Variants in PPM1A observed in about 807,000 individuals in gnomAD.
PPM1A encodes protein phosphatase 1A.
In PPM1A, 7 loss-of-function variants were observed where a neutral mutation model predicts 35.0. That is an observed-to-expected ratio of 0.20 (90% CI 0.11 to 0.38). PPM1A has a LOEUF of 0.38. Ranked by LOEUF, PPM1A falls within the 10% of genes least tolerant of loss-of-function variation. The pLI is 1.00. For synonymous variants in PPM1A, 153 were observed against 167.3 expected (o/e 0.91, Z 0.66); for missense variants, 239 against 467.8 (o/e 0.51, Z 4.51).
chr14:60,254,582 C>A (rs1056820981), intron 1 of PPM1A, among the ~76,000 whole-genome samples: 7 of 152,196 alleles, frequency 4.6e-5, no homozygotes, highest in Middle Eastern at 3.4e-3. Context: ...CAGTTATTAC[C>A]ATTTTTTAAA....
chr14:60,293,378 C>G lies in PPM1A; in HGVS notation c.*896C>G, dbSNP rs1286019928. ...AAACTTAATCATGTATGTGTAATTC[C>G]TCTTTTACCCTGGCCTTTTAAAACA... is the stretch of plus-strand genomic sequence containing the variant. On this transcript the variant is annotated 3_prime_UTR_variant, in exon 6 of 6. Coordinates refer to ENST00000395076, the MANE Select transcript of PPM1A (RefSeq NM_021003.5). The surrounding 1 kb of genome is among the most constrained non-coding windows in gnomAD (Gnocchi z 4.0). 6.6e-6 allele frequency: 1 copy of G among 151,906 alleles called. No individual in the cohort carries two copies. Among genetic ancestry groups the G allele is most frequent in the African/African-American group, 2.4e-5 (1 of 41,386 alleles). 9.4% of individuals were successfully genotyped at this position (151,906 alleles called of 1,614,324 possible). A position where few individuals can be genotyped will look rare whatever the true frequency, so the allele number is the denominator to read the frequency against.
intron 1 of PPM1A, among the ~76,000 whole-genome samples, chr14:60,264,775 A>G (rs1884180355): frequency 6.6e-6 from 1 of 151,964 alleles, no homozygotes; most frequent in Non-Finnish European, 1.5e-5. Context: ...GTCCAGCTAG[A>G]GTTTATGTGG....
Position 60,294,730 on chromosome 14 carries a change from C to A in PPM1A, c.*2248C>A, listed in dbSNP as rs752841880. On this transcript the variant is annotated 3_prime_UTR_variant, in exon 6 of 6. Coordinates refer to ENST00000395076, the MANE Select transcript of PPM1A (RefSeq NM_021003.5). ...TATTTAGAGCCTTTTTTTTTTGAGTCTTTAAACAAGAGAAAATTAAAATAT... is the reference window on the plus strand; with the variant it reads ...TATTTAGAGCCTTTTTTTTTTGAGTATTTAAACAAGAGAAAATTAAAATAT... 3 of 150,350 alleles carry A rather than the reference C, an allele frequency of 2.0e-5. No homozygotes were observed. The highest frequency in any genetic ancestry group is 4.4e-5 in the Non-Finnish European group (3 of 67,418). The allele number at this position is 150,350 out of a possible 1,614,324, so 9.3% of individuals were successfully genotyped here. A position where few individuals can be genotyped will look rare whatever the true frequency, so the allele number is the denominator to read the frequency against.
chr14:60,264,868 T>A lies in PPM1A; in HGVS notation c.-21+15191T>A, dbSNP rs189076716. ...TTCTGGTTTGATTTCTGCCTATTTT[T>A]AATTTTTCTTCCTTTAATGACTATT... On this transcript the variant is annotated intron_variant, in intron 1 of 5. Transcript: ENST00000395076. 4.3e-3 allele frequency among the ~76,000 whole-genome samples: 657 copies of A among 152,348 alleles called. 5 individuals carry two copies. The highest frequency in any genetic ancestry group is 0.015 in the African/African-American group (627 of 41,588).
chr14:60,291,209 C>T lies in PPM1A; in HGVS notation c.1062-188C>T, dbSNP rs115357071. Among the ~76,000 whole-genome samples the T allele has an allele frequency of 5.4e-3, 817 of 152,022 alleles. 12 individuals carry two copies. The highest frequency in any genetic ancestry group is 0.019 in the African/African-American group (802 of 41,460). On this transcript the variant is annotated intron_variant, in intron 4 of 5. Transcript: ENST00000395076. ...GTTATAACACATTTTAGAGTAGACT[C>T]ACCTCTGCTTTAACATAGGAGCCCA...
intron 1 of PPM1A, among the ~76,000 whole-genome samples, chr14:60,280,816 C>A (rs1886317071): frequency 6.6e-6 from 1 of 152,140 alleles, no homozygotes; most frequent in African/African-American, 2.4e-5. Context: ...CCAACCCTAC[C>A]CTGGAAATTC....
chr14:60,291,552 C>T, intron 5 of PPM1A, 98 bp downstream of exon 5: 1 of 870,972 alleles, frequency 1.1e-6, no homozygotes, highest in Non-Finnish European at 1.7e-6. Context: ...TGTACCCATT[C>T]TCTTACACAC....
chr14:60,273,483 C>T lies in PPM1A; in HGVS notation c.-20-9201C>T, dbSNP rs1472858657. Among the ~76,000 whole-genome samples the T allele has an allele frequency of 1.3e-5, 2 of 152,192 alleles. No individual in the cohort carries two copies. Among genetic ancestry groups the T allele is most frequent in the African/African-American group, 4.8e-5 (2 of 41,440 alleles). The stretch of plus-strand genomic sequence containing the variant: ...CTAGAGAAGGTACGTAGGGGCTTGA[C>T]TTCCCAGGGCCTTCATGTGAGCCAT... On this transcript the variant is annotated intron_variant, in intron 1 of 5. Coordinates refer to ENST00000395076, the MANE Select transcript of PPM1A (RefSeq NM_021003.5). The surrounding 1 kb of genome is among the most constrained non-coding windows in gnomAD (Gnocchi z 4.3).
At position 60,273,954 on chromosome 14, in the gene PPM1A, C is replaced by T. The variant is rs970800457; in HGVS notation, c.-20-8730C>T. ...CAGTTGGGACTACAAGTATGCAACACCGCACCCAGTGAATGTTCTTGGTTT... is the reference window on the plus strand; with the variant it reads ...CAGTTGGGACTACAAGTATGCAACATCGCACCCAGTGAATGTTCTTGGTTT... On this transcript the variant is annotated intron_variant, in intron 1 of 5. Coordinates refer to ENST00000395076, the MANE Select transcript of PPM1A (RefSeq NM_021003.5). This position sits in a 1 kb window ranked among gnomAD's most constrained non-coding sequence, Gnocchi z 4.3. 6.6e-6 allele frequency among the ~76,000 whole-genome samples: 1 copy of T among 152,194 alleles called. No homozygotes were observed. The highest frequency in any genetic ancestry group is 2.4e-5 in the African/African-American group (1 of 41,448).
upstream of PPM1A, among the ~76,000 whole-genome samples, chr14:60,247,627 C>CAAAAAAA (rs58749853): frequency 5.0e-4 from 25 of 50,172 alleles, no homozygotes; most frequent in African/African-American, 1.7e-3. Flanking sequence ...GACTCTGTCT[C>CAAAAAAA]AAAAAAAAAA....
chr14:60,262,567 C>G (rs905621308), intron 1 of PPM1A, among the ~76,000 whole-genome samples: 1 of 152,084 alleles, frequency 6.6e-6, no homozygotes, highest in Non-Finnish European at 1.5e-5. Flanking sequence ...ATCTATACTC[C>G]CAGCTACTTG....
At chr14:60,268,713 G>T (rs911817966) in intron 1 of PPM1A, among the ~76,000 whole-genome samples, 11 of 151,014 alleles carry the variant, frequency 7.3e-5, no homozygotes, top group African/African-American at 2.7e-4. Flanking sequence ...TAAAGGTGAG[G>T]TTTCTTAATA....
In PPM1A at chr14:60,299,064, CTAAA is replaced by C. The variant is rs1888268788; in HGVS notation, c.*6587_*6590del. The C allele has an allele frequency of 6.6e-6, 1 of 151,800 alleles. No homozygotes were observed. Among genetic ancestry groups the C allele is most frequent in the African/African-American group, 2.4e-5 (1 of 41,416 alleles). 9.4% of individuals were successfully genotyped at this position (151,800 alleles called of 1,614,324 possible). A position where few individuals can be genotyped will look rare whatever the true frequency, so the allele number is the denominator to read the frequency against. On this transcript the variant is annotated 3_prime_UTR_variant, in exon 6 of 6. Coordinates refer to ENST00000395076, the MANE Select transcript of PPM1A (RefSeq NM_021003.5). This position sits in a 1 kb window ranked among gnomAD's most constrained non-coding sequence, Gnocchi z 4.2. The stretch of plus-strand genomic sequence containing the variant: ...TTTCTAGTTTGGAAAACTGGTGCCA[CTAAA>C]TAAACAGGCAATTACATAATGTGTG...
At chr14:60,280,884 G>A (rs1163704809) in intron 1 of PPM1A, among the ~76,000 whole-genome samples, 1 of 152,152 alleles carries the variant, frequency 6.6e-6, no homozygotes, top group East Asian at 1.9e-4. Flanking sequence ...GCACAGCCAT[G>A]GTAGAGACCC....
rs529970032 is a variant in PPM1A at position 60,294,357 on chromosome 14, A to G, written c.*1875A>G. 9 of 151,950 alleles carry G rather than the reference A, an allele frequency of 5.9e-5. No homozygotes were observed. Among genetic ancestry groups the G allele is most frequent in the Non-Finnish European group, 1.2e-4 (8 of 67,850 alleles). The allele number at this position is 151,950 out of a possible 1,614,324, so 9.4% of individuals were successfully genotyped here. On this transcript the variant is annotated 3_prime_UTR_variant, in exon 6 of 6. Transcript: ENST00000395076. Reference sequence around the variant, plus strand: ...GTACTATTTATATTTAGAAATTCATATCAGTTGAAATTACAGAACCAATTC... The same window carrying G: ...GTACTATTTATATTTAGAAATTCATGTCAGTTGAAATTACAGAACCAATTC...
chr14:60,253,912 C>G (rs1415438556), intron 1 of PPM1A, among the ~76,000 whole-genome samples: 4 of 152,064 alleles, frequency 2.6e-5, no homozygotes, highest in Non-Finnish European at 5.9e-5. Flanking sequence ...AGTCCCTGTT[C>G]TCCTATTTCG....
At chr14:60,249,106 C>G (rs1881996644), upstream of PPM1A, 2 of 531,434 alleles carry the variant, frequency 3.8e-6, no homozygotes, top group African/African-American at 4.1e-5. This position sits in a 1 kb window ranked among gnomAD's most constrained non-coding sequence, Gnocchi z 4.5. Flanking sequence ...ATCCGGGTCT[C>G]TGTAGCTGCG....
At chr14:60,272,229 G>C (rs1169955190) in intron 1 of PPM1A, among the ~76,000 whole-genome samples, 1 of 151,966 alleles carries the variant, frequency 6.6e-6, no homozygotes, top group African/African-American at 2.4e-5. Context: ...CATGTTATTA[G>C]AGTTAAACTA....
chr14:60,282,400 G>C lies in PPM1A; in HGVS notation c.-20-284G>C, dbSNP rs7154773. The stretch of plus-strand genomic sequence containing the variant: ...GTATCATTAAACATTTAGCCTGGTT[G>C]GTTTAAGTTGATGGCCACTGCCAGG... On this transcript the variant is annotated intron_variant, in intron 1 of 5. Transcript: ENST00000395076. The surrounding 1 kb of genome is among the most constrained non-coding windows in gnomAD (Gnocchi z 5.1). Among the ~76,000 whole-genome samples the C allele has an allele frequency of 0.45, 68,030 of 152,022 alleles. 17,953 individuals carry two copies. The highest frequency in any genetic ancestry group is 0.74 in the African/African-American group (30,748 of 41,444).
Sources: allele counts gnomAD v4.1 joint callset (sites outside exome capture counted in the v4.1 genomes callset), GRCh38; gene constraint gnomAD v4.1.1; non-coding constraint Gnocchi (gnomAD v3.1); transcripts MANE v1.5; gene names NCBI Gene and HGNC (gene_info 2026-07-23, HGNC 2026-07-21).